The following SKAP2 variants were observed in gnomAD, a reference collection of about 807,000 sequenced individuals.
SKAP2 encodes src kinase-associated phosphoprotein 2.
Under a neutral mutation model 54.9 loss-of-function variants are expected in SKAP2, and 28 were observed. That is an observed-to-expected ratio of 0.51 (90% CI 0.38 to 0.70). SKAP2 has a LOEUF of 0.70. Among genes scored for constraint, SKAP2 ranks in the 30% least tolerant of loss-of-function variants. The pLI, the probability that SKAP2 is intolerant of heterozygous loss-of-function variation, is 0.00. For synonymous variants in SKAP2, 137 were observed against 134.3 expected (o/e 1.02, Z -0.14); for missense variants, 356 against 424.1 (o/e 0.84, Z 1.41).
chr7:26,850,679 A>G (rs1185553453), intron 3 of SKAP2, among the ~76,000 whole-genome samples: 1 of 152,188 alleles, frequency 6.6e-6, no homozygotes, highest in African/African-American at 2.4e-5. Context: ...AGAAGGAACT[A>G]TCTGTTCCAG....
chr7:26,709,011 C>T (rs370064014), intron 9 of SKAP2, among the ~76,000 whole-genome samples: 2 of 152,004 alleles, frequency 1.3e-5, no homozygotes, highest in African/African-American at 4.8e-5. Context: ...CTGCAGAATA[C>T]TTTTAAATTA....
At chr7:26,692,957 A>T (rs1177885033) in intron 9 of SKAP2, among the ~76,000 whole-genome samples, 1 of 152,230 alleles carries the variant, frequency 6.6e-6, no homozygotes, top group South Asian at 2.1e-4. Context: ...GAAATAAATT[A>T]AAAAATGGAT....
rs1263097078 is a variant in SKAP2, at chr7:26,667,833, T to C, written c.*1833A>G. The C allele has an allele frequency of 1.3e-5, 2 of 152,354 alleles. No individual in the cohort carries two copies. The highest frequency in any genetic ancestry group is 1.9e-4 in the East Asian group (1 of 5,198). The allele number at this position is 152,354 out of a possible 1,614,324, so 9.4% of individuals were successfully genotyped here. A position where few individuals can be genotyped will look rare whatever the true frequency, so the allele number is the denominator to read the frequency against. ...CAAATCCACAAAGGCTACATTGTCA[T>C]GGGAAACAACGGCTTTTGCTTTTCA... is the stretch of plus-strand genomic sequence containing the variant. On this transcript the variant is annotated 3_prime_UTR_variant, in exon 13 of 13. Coordinates refer to ENST00000345317, the MANE Select transcript of SKAP2 (RefSeq NM_003930.5).
At position 26,800,087 on chromosome 7, in the gene SKAP2, G is replaced by A. The variant is rs548174311; in HGVS notation, c.307+43943C>T. On this transcript the variant is annotated intron_variant, in intron 4 of 12. Coordinates refer to ENST00000345317, the MANE Select transcript of SKAP2 (RefSeq NM_003930.5). ...TGCAGTGAGCCAAGATTGCGCCACTGCACTCCAGCCTGGGCGACAGAGCGA... is the reference window on the plus strand; with the variant it reads ...TGCAGTGAGCCAAGATTGCGCCACTACACTCCAGCCTGGGCGACAGAGCGA... 4.3e-3 allele frequency among the ~76,000 whole-genome samples: 661 copies of A among 152,186 alleles called. 2 individuals carry two copies. Among genetic ancestry groups the A allele is most frequent in the African/African-American group, 0.015 (629 of 41,502 alleles).
intron 4 of SKAP2, among the ~76,000 whole-genome samples, chr7:26,750,219 T>C (rs2062503941): frequency 6.6e-6 from 1 of 152,032 alleles, no homozygotes; most frequent in African/African-American, 2.4e-5. Flanking sequence ...TACCATTATT[T>C]AAGGTTAGTT....
At chr7:26,786,898 A>G (rs974499788) in intron 4 of SKAP2, among the ~76,000 whole-genome samples, 3 of 152,128 alleles carry the variant, frequency 2.0e-5, no homozygotes, top group Non-Finnish European at 4.4e-5. Context: ...TTAGACAGCA[A>G]TTATCTAATC....
chr7:26,736,784 C>T (rs1344746658), intron 6 of SKAP2, among the ~76,000 whole-genome samples: 1 of 151,796 alleles, frequency 6.6e-6, no homozygotes, highest in Non-Finnish European at 1.5e-5. Flanking sequence ...ATGTTACTAC[C>T]ATTAGGTCTC....
At chr7:26,830,830 T>C (rs903565684) in intron 4 of SKAP2, among the ~76,000 whole-genome samples, 1 of 152,180 alleles carries the variant, frequency 6.6e-6, no homozygotes, top group Non-Finnish European at 1.5e-5. Context: ...CTGTGTTTAA[T>C]TTTTGTAAAA....
intron 4 of SKAP2, among the ~76,000 whole-genome samples, chr7:26,750,809 C>A (rs1782664363): frequency 6.6e-6 from 1 of 152,106 alleles, no homozygotes; most frequent in South Asian, 2.1e-4. Context: ...ATTCCTCTAG[C>A]AAACTGCATA....
chr7:26,816,290 T>C (rs1172192323), intron 4 of SKAP2, among the ~76,000 whole-genome samples: 1 of 152,166 alleles, frequency 6.6e-6, no homozygotes, highest in East Asian at 1.9e-4. Context: ...ACTCATACTT[T>C]TGAAATGAAA....
At chr7:26,721,277 T>C (rs1787571221) in intron 9 of SKAP2, among the ~76,000 whole-genome samples, 1 of 152,126 alleles carries the variant, frequency 6.6e-6, no homozygotes. Context: ...CCAAAATGTA[T>C]TTTGGGGGCC....
intron 4 of SKAP2, among the ~76,000 whole-genome samples, chr7:26,768,842 C>T (rs545491023): frequency 6.6e-5 from 10 of 152,354 alleles, no homozygotes; most frequent in Admixed American, 2.6e-4. Context: ...GTCTGATGGG[C>T]TTCCCTTTGT....
intron 9 of SKAP2, among the ~76,000 whole-genome samples, chr7:26,706,747 T>G (rs994987761): frequency 1.1e-4 from 16 of 152,190 alleles, no homozygotes; most frequent in Admixed American, 7.2e-4. Flanking sequence ...CAGAATAAAA[T>G]AGGTTATTTA....
intron 4 of SKAP2, among the ~76,000 whole-genome samples, chr7:26,784,723 A>G (rs182241457): frequency 1.4e-4 from 22 of 152,360 alleles, no homozygotes; most frequent in African/African-American, 4.8e-4. Flanking sequence ...TGAAGAGTGA[A>G]CATAAGAAAG....
intron 4 of SKAP2, among the ~76,000 whole-genome samples, chr7:26,762,109 G>C (rs1025753458): frequency 6.6e-6 from 1 of 151,868 alleles, no homozygotes; most frequent in Admixed American, 6.6e-5. Flanking sequence ...TTATGATATT[G>C]CAAAGTTCAA....
chr7:26,771,210 T>C (rs942152485), intron 4 of SKAP2, among the ~76,000 whole-genome samples: 1 of 152,324 alleles, frequency 6.6e-6, no homozygotes, highest in African/African-American at 2.4e-5. Context: ...TAGCTAGTGA[T>C]AATAAAGGTT....
chr7:26,671,751 G>A (rs528315083), intron 11 of SKAP2, among the ~76,000 whole-genome samples: 1 of 152,102 alleles, frequency 6.6e-6, no homozygotes, highest in South Asian at 2.1e-4. Context: ...TATAAGGAAC[G>A]AGGATACTCT....
At chr7:26,707,371 A>G (rs916508132) in intron 9 of SKAP2, among the ~76,000 whole-genome samples, 3 of 152,072 alleles carry the variant, frequency 2.0e-5, no homozygotes, top group Non-Finnish European at 4.4e-5. Flanking sequence ...GAAAAAAAAA[A>G]AGAAGTAATT....
Position 26,857,771 on chromosome 7 carries a change from A to C in SKAP2, c.68-2881T>G, listed in dbSNP as rs1785203455. 7 of 976,172 alleles carry C rather than the reference A, an allele frequency of 7.2e-6. No individual in the cohort carries two copies. In the South Asian group the frequency reaches 2.8e-4, roughly 40 times the overall value. The allele number at this position is 976,172 out of a possible 1,614,324, so 60.5% of individuals were successfully genotyped here. ...AGCTCAGAGCCAGGGTAATATTTCA[A>C]AAGCAAGCAATAAGAGTCTTGGGCG... On this transcript the variant is annotated intron_variant, in intron 1 of 12. Transcript: ENST00000345317.
Sources: gnomAD v4.1 joint callset for allele counts (sites outside exome capture counted in the v4.1 genomes callset) on GRCh38, gnomAD v4.1.1 for gene constraint, MANE v1.5 for transcripts, NCBI Gene and HGNC (gene_info 2026-07-23, HGNC 2026-07-21) for gene names.